THSD4: variants seen among roughly 807,000 people sequenced by gnomAD.
THSD4 encodes thrombospondin type-1 domain-containing protein 4.
THSD4 carries 69 observed loss-of-function variants against 119.0 expected under a neutral mutation model. The observed-to-expected ratio is 0.58, with a 90% CI of 0.48 to 0.71. The LOEUF (loss-of-function observed/expected upper bound fraction) is 0.71. Among genes scored for constraint, THSD4 ranks in the 30% least tolerant of loss-of-function variants. THSD4 has a pLI of 0.00. For missense variants in THSD4, 1,393 were observed against 1,391.1 expected, an observed-to-expected ratio of 1.00 and a Z score of -0.02; for synonymous variants, 524 against 540.4, an observed-to-expected ratio of 0.97 and a Z score of 0.42.
intron 1 of THSD4, among the ~76,000 whole-genome samples, chr15:71,139,817 C>G (rs1226991867): frequency 1.3e-5 from 2 of 152,196 alleles, no homozygotes; most frequent in Admixed American, 6.5e-5. Flanking sequence ...TTAGAGAACT[C>G]CACCTTTATT....
At chr15:71,461,688 A>G (rs886128450) in intron 7 of THSD4, among the ~76,000 whole-genome samples, 2 of 152,202 alleles carry the variant, frequency 1.3e-5, no homozygotes, top group Non-Finnish European at 2.9e-5. Context: ...TTTGTTAAGA[A>G]ACAAAAATAC....
At chr15:71,543,770 G>C (rs879518711) in intron 7 of THSD4, among the ~76,000 whole-genome samples, 1 of 152,190 alleles carries the variant, frequency 6.6e-6, no homozygotes, top group Non-Finnish European at 1.5e-5. Context: ...GCTCATACCT[G>C]TAATCCCAGC....
At chr15:71,568,568 CTT>C (rs61430926) in intron 7 of THSD4, among the ~76,000 whole-genome samples, 1 of 137,888 alleles carries the variant, frequency 7.3e-6, no homozygotes, top group Non-Finnish European at 1.5e-5. Context: ...CTCTTTTTCT[CTT>C]TTTTTTTTTT....
At chr15:71,654,387 T>C (rs1271918863) in intron 7 of THSD4, among the ~76,000 whole-genome samples, 1 of 152,202 alleles carries the variant, frequency 6.6e-6, no homozygotes, top group Non-Finnish European at 1.5e-5. Context: ...TGGAAAAAGA[T>C]CCACCCAGAA....
Position 71,737,958 on chromosome 15 carries a change from C to T in THSD4, c.1857C>T (p.His619=). The T allele has an allele frequency of 6.2e-7, 1 of 1,613,950 alleles. No homozygotes were observed. ...APQPPRRSRD[H]NWKQLGTTEC... ...AGCCCCCACGGCGCAGCCGGGATCACAACTGGAAGCAGCTTGGGACAACAG... is the reference window on the plus strand; with the variant it reads ...AGCCCCCACGGCGCAGCCGGGATCATAACTGGAAGCAGCTTGGGACAACAG... Residue 619 remains histidine (H), a synonymous_variant, in exon 11 of 18, where the codon CAC becomes CAT. Transcript: ENST00000261862.
intron 6 of THSD4, among the ~76,000 whole-genome samples, chr15:71,303,558 C>T (rs1035894573): frequency 1.3e-5 from 2 of 152,194 alleles, no homozygotes; most frequent in African/African-American, 2.4e-5. Flanking sequence ...GGCTGTGGGC[C>T]TGACAGAAGT....
intron 6 of THSD4, among the ~76,000 whole-genome samples, chr15:71,311,438 A>G (rs949338807): frequency 2.6e-5 from 4 of 152,186 alleles, no homozygotes; most frequent in African/African-American, 9.7e-5. Context: ...ATTCTCTGGC[A>G]TGGGTGCACC....
intron 1 of THSD4, among the ~76,000 whole-genome samples, chr15:71,135,991 GTTTT>G (rs10540241): frequency 0.025 from 1,729 of 69,088 alleles, 62 homozygotes; most frequent in African/African-American, 0.083. Flanking sequence ...GTTTAGTTTA[GTTTT>G]TTTTTTTTTT....
At chr15:71,751,828 C>T (rs900484657) in intron 14 of THSD4, among the ~76,000 whole-genome samples, 3 of 152,134 alleles carry the variant, frequency 2.0e-5, no homozygotes, top group South Asian at 4.2e-4. Flanking sequence ...CCTCCATACA[C>T]GGGTGATGTT....
chr15:71,500,452 C>T (rs1181913282), intron 7 of THSD4, among the ~76,000 whole-genome samples: 4 of 152,068 alleles, frequency 2.6e-5, no homozygotes, highest in Non-Finnish European at 2.9e-5. Context: ...TGATTGTTGC[C>T]GTGGCTGAGC....
chr15:71,535,179 G>A (rs1263451905), intron 7 of THSD4, among the ~76,000 whole-genome samples: 1 of 152,102 alleles, frequency 6.6e-6, no homozygotes, highest in Non-Finnish European at 1.5e-5. Context: ...TCTACTCTCT[G>A]TCTCCATACA....
chr15:71,735,522 T>TA (rs1425962618), intron 10 of THSD4, among the ~76,000 whole-genome samples: 1 of 149,580 alleles, frequency 6.7e-6, no homozygotes, highest in Non-Finnish European at 1.5e-5. Flanking sequence ...CTGTCTCTCT[T>TA]ACCATCTCCC....
In THSD4 at chr15:71,652,069, A is replaced by G. The variant is rs115395441; in HGVS notation, c.1153-8461A>G. Reference sequence around the variant, plus strand: ...TGTAAATCAGGCCAGTGTGCAAGCAACCTCCATCCTGGATCAGAGTTCATC... The same window carrying G: ...TGTAAATCAGGCCAGTGTGCAAGCAGCCTCCATCCTGGATCAGAGTTCATC... On this transcript the variant is annotated intron_variant, in intron 7 of 17. Transcript: ENST00000261862. Among the ~76,000 whole-genome samples, 1,182 of 152,174 alleles carry G rather than the reference A, an allele frequency of 7.8e-3. 15 individuals are homozygous for G. Among genetic ancestry groups the G allele is most frequent in the African/African-American group, 0.027 (1,127 of 41,538 alleles).
intron 7 of THSD4, among the ~76,000 whole-genome samples, chr15:71,647,924 T>C (rs1291725109): frequency 1.3e-5 from 2 of 152,078 alleles, no homozygotes; most frequent in African/African-American, 4.8e-5. Context: ...GTAAAGCCTG[T>C]GTGTAAGCAT....
intron 7 of THSD4, among the ~76,000 whole-genome samples, chr15:71,500,591 A>G (rs2048095726): frequency 6.6e-6 from 1 of 152,222 alleles, no homozygotes; most frequent in African/African-American, 2.4e-5. Flanking sequence ...AGTTTCTTCT[A>G]AGAGTTTTCT....
intron 7 of THSD4, among the ~76,000 whole-genome samples, chr15:71,612,436 G>A (rs990553175): frequency 6.6e-6 from 1 of 152,204 alleles, no homozygotes; most frequent in Non-Finnish European, 1.5e-5. Flanking sequence ...GGAGGATCTG[G>A]AATTCAAAGG....
chr15:71,380,070 G>A (rs1040288042), intron 6 of THSD4, among the ~76,000 whole-genome samples: 4 of 152,060 alleles, frequency 2.6e-5, no homozygotes, highest in African/African-American at 4.8e-5. Context: ...TGCTGTGACC[G>A]GCTGAGACTC....
chr15:71,664,944 G>T (rs2051386138), intron 8 of THSD4, among the ~76,000 whole-genome samples: 1 of 152,152 alleles, frequency 6.6e-6, no homozygotes, highest in Non-Finnish European at 1.5e-5. Context: ...GAATAGTGCT[G>T]CAGTGAACAT....
chr15:71,181,477 A>G (rs973550141), intron 3 of THSD4, among the ~76,000 whole-genome samples: 1 of 152,230 alleles, frequency 6.6e-6, no homozygotes, highest in Admixed American at 6.5e-5. Flanking sequence ...GAATAATGGT[A>G]CGGTCCTGGC....
Sources: gnomAD v4.1 joint callset for allele counts (sites outside exome capture counted in the v4.1 genomes callset) on GRCh38, gnomAD v4.1.1 for gene constraint, MANE v1.5 for transcripts, NCBI Gene and HGNC (gene_info 2026-07-23, HGNC 2026-07-21) for gene names.